STK16: variants seen among roughly 807,000 people sequenced by gnomAD.
STK16 encodes serine/threonine-protein kinase 16.
Under a neutral mutation model 37.8 loss-of-function variants are expected in STK16, and 28 were observed. The observed-to-expected ratio is 0.74, with a 90% CI of 0.55 to 1.02. The LOEUF is 1.02. STK16 is among the 50% of genes least tolerant of loss of function. The probability of loss-of-function intolerance (pLI) is 0.00; values close to 1 mark genes in which losing one functional copy is unlikely to be tolerated. For missense variants in STK16, 349 were observed against 390.6 expected, an observed-to-expected ratio of 0.89 and a Z score of 0.90; for synonymous variants, 134 against 155.0, an observed-to-expected ratio of 0.86 and a Z score of 1.01.
chr2:219,248,328 G>A lies in STK16; in HGVS notation c.779+14G>A, dbSNP rs770344132. On this transcript the variant is annotated intron_variant, in intron 7 of 7. Transcript: ENST00000396738. Reference sequence around the variant, plus strand: ...ACAAAGCCCCAGGTGAGTGAGCAACGAATAGGGCATCAAGTGTTTCAGACT... The same window carrying A: ...ACAAAGCCCCAGGTGAGTGAGCAACAAATAGGGCATCAAGTGTTTCAGACT... 11 of 1,614,068 alleles carry A rather than the reference G, an allele frequency of 6.8e-6. No individual in the cohort carries two copies. Among genetic ancestry groups the A allele is most frequent in the Middle Eastern group, 3.3e-4 (2 of 6,062 alleles).
rs748557942 is a variant in STK16 at position 219,248,526 on chromosome 2, C to G, written c.885C>G (p.Pro295=). 1 of 1,613,760 alleles carries G rather than the reference C, an allele frequency of 6.2e-7. No homozygotes were observed. Among genetic ancestry groups the G allele is most frequent in the South Asian group, 1.1e-5 (1 of 91,046 alleles). The part of the protein sequence containing the change: ...LLLSQLEALQ[P]PAPGQHTTQI ...TCAGTCAGCTGGAGGCGCTTCAGCC[C>G]CCAGCTCCTGGCCAACATACTACCC... Residue 295 remains proline, a synonymous_variant, in exon 8 of 8, where the codon CCC becomes CCG. Transcript: ENST00000396738.
At chr2:219,247,016 A>G (rs557061469) in intron 3 of STK16, 97 bp from the exon 4 acceptor site, 41 of 1,570,524 alleles carry the variant, frequency 2.6e-5, no homozygotes, top group Middle Eastern at 1.7e-4. Context: ...GGTGTGTATC[A>G]TGAAAGGGCT....
chr2:219,250,248 G>A lies in STK16; in HGVS notation c.*1689G>A. The A allele has an allele frequency of 6.8e-7, 1 of 1,478,214 alleles. No homozygotes were observed. The highest frequency in any genetic ancestry group is 9.1e-7 in the Non-Finnish European group (1 of 1,094,624). The allele number at this position is 1,478,214 out of a possible 1,614,324, so 91.6% of individuals were successfully genotyped here. On this transcript the variant is annotated 3_prime_UTR_variant, in exon 8 of 8. Transcript: ENST00000396738. This position sits in a 1 kb window ranked among gnomAD's most constrained non-coding sequence, Gnocchi z 8.4. ...CAGCAGCAGCATGAAGGGGAAGGCA[G>A]CAGAAGCTCAAGCACTCAGAGGGAA... is the stretch of plus-strand genomic sequence containing the variant.
chr2:219,247,249 C>T lies in STK16; in HGVS notation c.440+3C>T, dbSNP rs766264774. 29 of 1,614,122 alleles carry T rather than the reference C, an allele frequency of 1.8e-5. No homozygotes were observed. In the Middle Eastern group the frequency reaches 9.9e-4, roughly 55 times the overall value. On this transcript the variant is annotated splice_donor_region_variant and intron_variant, in intron 4 of 7. Transcript: ENST00000396738. Reference sequence around the variant, plus strand: ...CATGCCAAGGGTTATGCCCACAGGTCAGTGGGAGGACCCTGTGTGCTTGCT... The same window carrying T: ...CATGCCAAGGGTTATGCCCACAGGTTAGTGGGAGGACCCTGTGTGCTTGCT...
rs773207774 is a variant in STK16 at position 219,247,253 on chromosome 2, G to A, written c.440+7G>A. 3.7e-6 allele frequency: 6 copies of A among 1,613,958 alleles called. No homozygotes were observed. In the African/African-American group the frequency reaches 5.3e-5, roughly 14 times the overall value. ...CCAAGGGTTATGCCCACAGGTCAGT[G>A]GGAGGACCCTGTGTGCTTGCTGGGG... is the stretch of plus-strand genomic sequence containing the variant. On this transcript the variant is annotated splice_region_variant and intron_variant, in intron 4 of 7. Transcript: ENST00000396738.
chr2:219,249,907 C>T lies in STK16; in HGVS notation c.*1348C>T, dbSNP rs539684656. 10 of 165,594 alleles carry T rather than the reference C, an allele frequency of 6.0e-5. No homozygotes were observed. The highest frequency in any genetic ancestry group is 1.7e-4 in the East Asian group (1 of 5,876). 10.3% of individuals were successfully genotyped at this position (165,594 alleles called of 1,614,324 possible). On this transcript the variant is annotated 3_prime_UTR_variant, in exon 8 of 8. Coordinates refer to ENST00000396738, the MANE Select transcript of STK16 (RefSeq NM_001330213.2). ...CAGCCCAGCCCCACTCCCAAACCCT[C>T]ATAATGCACAGAGGAGCCTGGGCCA...
At position 219,248,460 on chromosome 2, in the gene STK16, G is replaced by T; in HGVS notation, c.819G>T (p.Met273Ile). ...SALRQLLNSM[M>I]TVDPHQRPHI... ...TGCGGCAGCTCCTGAACTCGATGAT[G>T]ACCGTGGACCCGCATCAGCGTCCTC... Residue 273 changes from methionine to isoleucine, a missense_variant, in exon 8 of 8, where the codon ATG becomes ATT. Met to Ile is a conservative substitution (Grantham distance 10). Coordinates refer to ENST00000396738, the MANE Select transcript of STK16 (RefSeq NM_001330213.2). 6.2e-7 allele frequency: 1 copy of T among 1,614,110 alleles called. No individual in the cohort carries two copies. The highest frequency in any genetic ancestry group is 1.1e-5 in the South Asian group (1 of 91,058).
In STK16 at chr2:219,246,538, C is replaced by T. The variant is rs1201008244; in HGVS notation, c.87-119C>T. 1.7e-5 allele frequency: 13 copies of T among 772,634 alleles called. No homozygotes were observed. The highest frequency in any genetic ancestry group is 2.8e-5 in the Non-Finnish European group (12 of 434,296). 47.9% of individuals were successfully genotyped at this position (772,634 alleles called of 1,614,324 possible). ...ATTCTTCAGATTTCTCTTAGAGCCA[C>T]ATCTTGGGAAGGTTTCTGCTAAATG... On this transcript the variant is annotated intron_variant, in intron 2 of 7. Coordinates refer to ENST00000396738, the MANE Select transcript of STK16 (RefSeq NM_001330213.2). The surrounding 1 kb of genome is among the most constrained non-coding windows in gnomAD (Gnocchi z 4.5).
Position 219,248,620 on chromosome 2 carries a change from T to C in STK16, c.*61T>C. ...TTGGAAAGAGGTTCCCATCCCTCAT[T>C]GGAATCACCACCCATTCCATCCAGG... On this transcript the variant is annotated 3_prime_UTR_variant, in exon 8 of 8. Coordinates refer to ENST00000396738, the MANE Select transcript of STK16 (RefSeq NM_001330213.2). 6.5e-7 allele frequency: 1 copy of C among 1,550,276 alleles called. No homozygotes were observed. The highest frequency in any genetic ancestry group is 8.7e-7 in the Non-Finnish European group (1 of 1,146,234).
chr2:219,249,650 A>G lies in STK16; in HGVS notation c.*1091A>G, dbSNP rs1418113013. 6.6e-6 allele frequency: 1 copy of G among 152,340 alleles called. No homozygotes were observed. The highest frequency in any genetic ancestry group is 1.5e-5 in the Non-Finnish European group (1 of 68,112). The allele number at this position is 152,340 out of a possible 1,614,324, so 9.4% of individuals were successfully genotyped here. On this transcript the variant is annotated 3_prime_UTR_variant, in exon 8 of 8. Coordinates refer to ENST00000396738, the MANE Select transcript of STK16 (RefSeq NM_001330213.2). ...AAGTTGAAGCTTTCCCCAGGGCCCT[A>G]GCAGGAGTCTCCCACTAGCTAGCAC...
chr2:219,248,178 T>A lies in STK16; in HGVS notation c.658-15T>A, dbSNP rs564808326. 1.2e-6 allele frequency: 2 copies of A among 1,613,924 alleles called. No individual in the cohort carries two copies. The highest frequency in any genetic ancestry group is 2.2e-5 in the South Asian group (2 of 91,074). ...CCACTGGTCCCCTTCTAGGGACTAA[T>A]CAAGTTATGCTCAGTCCCTAGGCTG... On this transcript the variant is annotated splice_polypyrimidine_tract_variant and intron_variant, in intron 6 of 7. Transcript: ENST00000396738.
Position 219,245,684 on chromosome 2 carries a change from C to T in STK16, c.-217C>T, listed in dbSNP as rs1358456340. The T allele has an allele frequency of 4.7e-6, 1 of 212,062 alleles. No individual in the cohort carries two copies. The allele number at this position is 212,062 out of a possible 1,614,324, so 13.1% of individuals were successfully genotyped here. Reference sequence around the variant, plus strand: ...GGAGCGGGGGCTGCCCAAAGATGGGCTGGGGTTGGAGGAAGTGGCCCGGTA... The same window carrying T: ...GGAGCGGGGGCTGCCCAAAGATGGGTTGGGGTTGGAGGAAGTGGCCCGGTA... On this transcript the variant is annotated 5_prime_UTR_variant, in exon 1 of 8. Coordinates refer to ENST00000396738, the MANE Select transcript of STK16 (RefSeq NM_001330213.2).
chr2:219,246,436 A>G lies in STK16; in HGVS notation c.87-221A>G, dbSNP rs759024301. 1.8e-5 allele frequency: 11 copies of G among 619,768 alleles called. No individual in the cohort carries two copies. Among genetic ancestry groups the G allele is most frequent in the Non-Finnish European group, 2.7e-5 (9 of 338,082 alleles). The allele number at this position is 619,768 out of a possible 1,614,324, so 38.4% of individuals were successfully genotyped here. A position where few individuals can be genotyped will look rare whatever the true frequency, so the allele number is the denominator to read the frequency against. On this transcript the variant is annotated intron_variant, in intron 2 of 7. Transcript: ENST00000396738. The surrounding 1 kb of genome is among the most constrained non-coding windows in gnomAD (Gnocchi z 4.5). Reference sequence around the variant, plus strand: ...GCTATTATTTATTTAGCATCTGTCAAGTGCAGAGGTCTCTATTACGACCAT... The same window carrying G: ...GCTATTATTTATTTAGCATCTGTCAGGTGCAGAGGTCTCTATTACGACCAT...
Position 219,246,239 on chromosome 2 carries a change from G to A in STK16, c.86+154G>A. 3.0e-6 allele frequency: 2 copies of A among 659,248 alleles called. No homozygotes were observed. Among genetic ancestry groups the A allele is most frequent in the Non-Finnish European group, 2.6e-6 (1 of 384,690 alleles). 40.8% of individuals were successfully genotyped at this position (659,248 alleles called of 1,614,324 possible). On this transcript the variant is annotated intron_variant, in intron 2 of 7. Transcript: ENST00000396738. The surrounding 1 kb of genome is among the most constrained non-coding windows in gnomAD (Gnocchi z 4.5). Reference sequence around the variant, plus strand: ...ACACAGTATCAAGAAGGTGGATTCTGGAGCCAGGCCTGCTAAATCCACCTC... The same window carrying A: ...ACACAGTATCAAGAAGGTGGATTCTAGAGCCAGGCCTGCTAAATCCACCTC...
chr2:219,246,599 T>C lies in STK16; in HGVS notation c.87-58T>C. ...CCCACTCCCCACCAGGAAATTTCTCTAGGTCCAAGCCATGTGGGAGATGAC... is the reference window on the plus strand; with the variant it reads ...CCCACTCCCCACCAGGAAATTTCTCCAGGTCCAAGCCATGTGGGAGATGAC... On this transcript the variant is annotated intron_variant, in intron 2 of 7. Coordinates refer to ENST00000396738, the MANE Select transcript of STK16 (RefSeq NM_001330213.2). The surrounding 1 kb of genome is among the most constrained non-coding windows in gnomAD (Gnocchi z 4.5). 6.9e-7 allele frequency: 1 copy of C among 1,456,820 alleles called. No homozygotes were observed. Among genetic ancestry groups the C allele is most frequent in the Non-Finnish European group, 9.6e-7 (1 of 1,040,962 alleles). The allele number at this position is 1,456,820 out of a possible 1,614,324, so 90.2% of individuals were successfully genotyped here. A position where few individuals can be genotyped will look rare whatever the true frequency, so the allele number is the denominator to read the frequency against.
rs1951537892 is a variant in STK16 at position 219,246,655 on chromosome 2, AGTGG to A, written c.88_91del (p.Gly30SerfsTer6). 4 of 1,613,764 alleles carry A rather than the reference AGTGG, an allele frequency of 2.5e-6. No individual in the cohort carries two copies. In the Admixed American group the frequency reaches 6.7e-5, roughly 27 times the overall value. On this transcript the variant is annotated splice_acceptor_variant and coding_sequence_variant, in exon 3 of 8. Transcript: ENST00000396738. LOFTEE classifies it high-confidence loss of function. The surrounding 1 kb of genome is among the most constrained non-coding windows in gnomAD (Gnocchi z 4.5). ...CCCTTTATTGACCCCTTTGGCCCAC[AGTGG>A]GTTCAGCTATGTGGACCTAGTGGAA...
rs1280073509 is a variant in STK16 at position 219,245,881 on chromosome 2, T to C, written c.-104-15T>C. On this transcript the variant is annotated splice_polypyrimidine_tract_variant and intron_variant, in intron 1 of 7. Transcript: ENST00000396738. ...TTGTGCCGGACCTGTGACCCTGCCG[T>C]TGTTTTCTTTCCAGCATGATCCGCT... 1 of 724,104 alleles carries C rather than the reference T, an allele frequency of 1.4e-6. No individual in the cohort carries two copies. 44.9% of individuals were successfully genotyped at this position (724,104 alleles called of 1,614,324 possible).
rs925507158 is a variant in STK16 at position 219,249,000 on chromosome 2, G to C, written c.*441G>C. 6.1e-6 allele frequency: 1 copy of C among 164,736 alleles called. No individual in the cohort carries two copies. The highest frequency in any genetic ancestry group is 1.3e-5 in the Non-Finnish European group (1 of 74,598). 10.2% of individuals were successfully genotyped at this position (164,736 alleles called of 1,614,324 possible). A position where few individuals can be genotyped will look rare whatever the true frequency, so the allele number is the denominator to read the frequency against. On this transcript the variant is annotated 3_prime_UTR_variant, in exon 8 of 8. Coordinates refer to ENST00000396738, the MANE Select transcript of STK16 (RefSeq NM_001330213.2). ...GGCGAACTGCCTGGGAAGGAGGAAT[G>C]GTGCAGAGTCGGCAATGGTGTGACT...
In STK16 at chr2:219,249,948, G is replaced by T. The variant is rs1018591070; in HGVS notation, c.*1389G>T. The T allele has an allele frequency of 3.5e-5, 6 of 173,912 alleles. No homozygotes were observed. Among genetic ancestry groups the T allele is most frequent in the Non-Finnish European group, 6.2e-5 (5 of 80,062 alleles). The allele number at this position is 173,912 out of a possible 1,614,324, so 10.8% of individuals were successfully genotyped here. ...GCCTGGGCCAAGCCTTGCTTCCAGA[G>T]TTGGTAAATGTAGAGGCAGCAGGAA... is the stretch of plus-strand genomic sequence containing the variant. On this transcript the variant is annotated 3_prime_UTR_variant, in exon 8 of 8. Coordinates refer to ENST00000396738, the MANE Select transcript of STK16 (RefSeq NM_001330213.2).
Sources: gnomAD v4.1 joint callset for allele counts on GRCh38, gnomAD v4.1.1 for gene constraint, Gnocchi (gnomAD v3.1) non-coding constraint, MANE v1.5 for transcripts, NCBI Gene and HGNC (gene_info 2026-07-23, HGNC 2026-07-21) for gene names.